EIF4G3: variants seen among roughly 807,000 people sequenced by gnomAD.
The protein encoded by EIF4G3 is eIF-4-gamma 3.
In EIF4G3, 34 loss-of-function variants were observed where a neutral mutation model predicts 186.4. The observed-to-expected ratio is 0.18, with a 90% CI of 0.14 to 0.24. EIF4G3 has a LOEUF of 0.24. Among genes scored for constraint, EIF4G3 ranks in the 10% least tolerant of loss-of-function variants. EIF4G3 has a pLI of 1.00. For missense variants in EIF4G3, 1,536 were observed against 1,948.5 expected, an observed-to-expected ratio of 0.79 and a Z score of 3.99; for synonymous variants, 673 against 679.5, an observed-to-expected ratio of 0.99 and a Z score of 0.15.
chr1:21,172,859 G>A (rs569248937), intron 2 of EIF4G3, among the ~76,000 whole-genome samples: 2 of 151,508 alleles, frequency 1.3e-5, no homozygotes, highest in Non-Finnish European at 2.9e-5. Context: ...TGTGGTTCTC[G>A]GCCGGGTGCA....
At chr1:21,035,564 C>T (rs941997467) in intron 4 of EIF4G3, among the ~76,000 whole-genome samples, 1 of 152,240 alleles carries the variant, frequency 6.6e-6, no homozygotes, top group African/African-American at 2.4e-5. Context: ...GCAGCCCAGC[C>T]AGGTATGCAT....
At chr1:20,851,982 C>T (rs746884540) in intron 27 of EIF4G3, among the ~76,000 whole-genome samples, 1 of 152,212 alleles carries the variant, frequency 6.6e-6, no homozygotes, top group Non-Finnish European at 1.5e-5. Flanking sequence ...TGCGCCACTG[C>T]ACTCTAGCCT....
intron 4 of EIF4G3, among the ~76,000 whole-genome samples, chr1:21,025,942 G>C (rs778084662): frequency 2.9e-4 from 44 of 152,106 alleles, no homozygotes; most frequent in Non-Finnish European, 3.7e-4. Context: ...TCATGAACTG[G>C]AAGATTTAAT....
Position 20,807,164 on chromosome 1 carries a change from T to C in EIF4G3, c.*155A>G. The C allele has an allele frequency of 3.5e-6, 2 of 579,194 alleles. No individual in the cohort carries two copies. The highest frequency in any genetic ancestry group is 5.5e-6 in the Non-Finnish European group (2 of 362,274). 35.9% of individuals were successfully genotyped at this position (579,194 alleles called of 1,614,324 possible). A position where few individuals can be genotyped will look rare whatever the true frequency, so the allele number is the denominator to read the frequency against. On this transcript the variant is annotated 3_prime_UTR_variant, in exon 37 of 37. Transcript: ENST00000602326. ...TTTTATCCAGTACCTTTTTCCTCCA[T>C]GATCACCTTTTTTTCTCTTTCCCCT...
At chr1:21,051,447 T>C (rs2094207773) in intron 3 of EIF4G3, among the ~76,000 whole-genome samples, 1 of 152,166 alleles carries the variant, frequency 6.6e-6, no homozygotes, top group South Asian at 2.1e-4. Flanking sequence ...TTGTCAAGAC[T>C]TATGGACGTA....
chr1:20,963,931 C>CAAA (rs35997561), intron 12 of EIF4G3, among the ~76,000 whole-genome samples: 3 of 122,626 alleles, frequency 2.4e-5, no homozygotes, highest in African/African-American at 3.3e-5. Context: ...GACTCCATCT[C>CAAA]AAAAAAAAAA....
At chr1:20,870,092 T>TA (rs35236352) in intron 20 of EIF4G3, among the ~76,000 whole-genome samples, 85,186 of 151,862 alleles carry the variant, frequency 0.56, 24,493 homozygotes, top group East Asian at 0.83. Context: ...CAACACATTA[T>TA]AAAATCTTCC....
chr1:21,074,901 C>A (rs1217901655), intron 3 of EIF4G3, among the ~76,000 whole-genome samples: 1 of 152,060 alleles, frequency 6.6e-6, no homozygotes, highest in Non-Finnish European at 1.5e-5. Flanking sequence ...ACAGCAAGAC[C>A]CTGCCTCTAC....
chr1:20,860,517 A>C lies in EIF4G3; in HGVS notation c.3112T>G (p.Cys1038Gly), dbSNP rs564405901. 6.2e-7 allele frequency: 1 copy of C among 1,613,030 alleles called. No individual in the cohort carries two copies. Among genetic ancestry groups the C allele is most frequent in the East Asian group, 2.2e-5 (1 of 44,852 alleles). Reference protein sequence around the residue: ...MLQDVIDLRLCNWVSRRADQG... With the variant: ...MLQDVIDLRLGNWVSRRADQG... Reference sequence around the variant, plus strand: ...TCTGCTCTTCGAGATACCCAATTGCACTATAAAAGCAGAAAATAAGGTTAT... The same window carrying C: ...TCTGCTCTTCGAGATACCCAATTGCCCTATAAAAGCAGAAAATAAGGTTAT... Residue 1038 changes from cysteine to glycine, a missense_variant and splice_region_variant, in exon 24 of 37, where the codon TGC becomes GGC. Physicochemically the swap from Cys to Gly is radical, Grantham distance 159. Transcript: ENST00000602326.
At chr1:20,891,697 G>C (rs2086135256) in intron 18 of EIF4G3, among the ~76,000 whole-genome samples, 2 of 151,232 alleles carry the variant, frequency 1.3e-5, no homozygotes, top group South Asian at 4.2e-4. Flanking sequence ...CAAGGCAGGA[G>C]AATGGCGTGA....
intron 2 of EIF4G3, among the ~76,000 whole-genome samples, chr1:21,156,483 T>C (rs1380155165): frequency 6.6e-6 from 1 of 152,218 alleles, no homozygotes; most frequent in Non-Finnish European, 1.5e-5. Flanking sequence ...TCTCCATTTG[T>C]TTGTAAAATG....
chr1:20,828,661 G>A (rs372813370), intron 31 of EIF4G3, among the ~76,000 whole-genome samples: 12 of 152,176 alleles, frequency 7.9e-5, no homozygotes, highest in East Asian at 1.9e-4. Context: ...GGGAACCACC[G>A]GTCTATATAA....
At chr1:21,155,533 A>G (rs1053108153) in intron 2 of EIF4G3, among the ~76,000 whole-genome samples, 12 of 152,024 alleles carry the variant, frequency 7.9e-5, no homozygotes, top group Non-Finnish European at 1.3e-4. Flanking sequence ...AGTGATTTAC[A>G]TATTTTTGAA....
At chr1:21,097,528 CA>C (rs1158407387) in intron 2 of EIF4G3, among the ~76,000 whole-genome samples, 1 of 151,946 alleles carries the variant, frequency 6.6e-6, no homozygotes, top group Non-Finnish European at 1.5e-5. Flanking sequence ...TTTGAAAAAC[CA>C]AAAGGAAGGG....
intron 12 of EIF4G3, among the ~76,000 whole-genome samples, chr1:20,952,168 T>G (rs898273605): frequency 6.6e-6 from 1 of 151,198 alleles, no homozygotes; most frequent in African/African-American, 2.4e-5. Flanking sequence ...TTTTTTTTTT[T>G]TTTTTGAGAC....
At chr1:21,127,252 C>T (rs1330298633) in intron 2 of EIF4G3, among the ~76,000 whole-genome samples, 3 of 152,168 alleles carry the variant, frequency 2.0e-5, no homozygotes, top group Non-Finnish European at 4.4e-5. Flanking sequence ...GCTGGGATTA[C>T]AGGCGTGATC....
At chr1:20,997,945 G>A (rs902329182) in intron 6 of EIF4G3, among the ~76,000 whole-genome samples, 4 of 151,070 alleles carry the variant, frequency 2.6e-5, no homozygotes, top group Non-Finnish European at 4.4e-5. Context: ...CTAAAATAAG[G>A]CAAAAGCAAG....
intron 2 of EIF4G3, among the ~76,000 whole-genome samples, chr1:21,141,864 G>A (rs571110705): frequency 6.6e-6 from 1 of 151,860 alleles, no homozygotes; most frequent in African/African-American, 2.4e-5. Flanking sequence ...CTGGGAAATC[G>A]ACGCTGCAGT....
intron 2 of EIF4G3, among the ~76,000 whole-genome samples, chr1:21,108,236 A>G (rs1376791909): frequency 6.6e-6 from 1 of 152,244 alleles, no homozygotes; most frequent in Non-Finnish European, 1.5e-5. Context: ...ACCATCTCTT[A>G]GGTAATATCC....
Sources: allele counts gnomAD v4.1 joint callset (sites outside exome capture counted in the v4.1 genomes callset), GRCh38; gene constraint gnomAD v4.1.1; transcripts MANE v1.5; gene names NCBI Gene and HGNC (gene_info 2026-07-23, HGNC 2026-07-21).